The following ABCB5 variants were observed in gnomAD, a reference collection of about 807,000 sequenced individuals.
The protein encoded by ABCB5 is ATP binding cassette subfamily B member 5.
In ABCB5, 155 loss-of-function variants were observed where a neutral mutation model predicts 144.2. That is an observed-to-expected ratio of 1.08 (90% CI 0.94 to 1.23). ABCB5 has a LOEUF of 1.23. Ranked by LOEUF, ABCB5 falls within the 50% of genes most tolerant of loss-of-function variation. The probability of loss-of-function intolerance (pLI) is 0.00; values close to 1 mark genes in which losing one functional copy is unlikely to be tolerated. For synonymous variants in ABCB5, 610 were observed against 528.6 expected (o/e 1.15, Z -2.11); for missense variants, 1,830 against 1,520.8 (o/e 1.20, Z -3.38).
At position 20,749,395 on chromosome 7, in the gene ABCB5, A is replaced by ATTTTTTTTTTTTTT; in HGVS notation, c.3430-3955_3430-3942dup. On this transcript the variant is annotated intron_variant, in intron 26 of 27. Coordinates refer to ENST00000404938, the MANE Select transcript of ABCB5 (RefSeq NM_001163941.2). ...GGTGCCTGCCACCTATGCCTGCCTA[A>ATTTTTTTTTTTTTT]TTTTTTTTTTTTTTTTTTTTTTTGC... is the stretch of plus-strand genomic sequence containing the variant. 2.4e-5 allele frequency among the ~76,000 whole-genome samples: 2 copies of ATTTTTTTTTTTTTT among 81,942 alleles called. 1 individual carries two copies. The highest frequency in any genetic ancestry group is 4.5e-5 in the Non-Finnish European group (2 of 44,136). The allele number at this position is 81,942 out of a possible 152,430, so 53.8% of individuals were successfully genotyped here. A position where few individuals can be genotyped will look rare whatever the true frequency, so the allele number is the denominator to read the frequency against.
intron 16 of ABCB5, among the ~76,000 whole-genome samples, chr7:20,694,974 T>G (rs1448998777): frequency 6.6e-6 from 1 of 152,010 alleles, no homozygotes; most frequent in Non-Finnish European, 1.5e-5. Context: ...AAAAGATATT[T>G]TCAATGTGAG....
At chr7:20,725,736 T>C (rs1782016554) in intron 21 of ABCB5, among the ~76,000 whole-genome samples, 1 of 152,202 alleles carries the variant, frequency 6.6e-6, no homozygotes, top group Non-Finnish European at 1.5e-5. Context: ...TTGTTTTTCC[T>C]CAAAATTTTT....
At chr7:20,618,768 T>C (rs1199942946) in intron 1 of ABCB5, among the ~76,000 whole-genome samples, 1 of 120,688 alleles carries the variant, frequency 8.3e-6, no homozygotes, top group African/African-American at 3.4e-5. Context: ...CATTTTCTTT[T>C]TTTTTTTTTT....
intron 16 of ABCB5, among the ~76,000 whole-genome samples, chr7:20,689,739 C>G (rs1227165376): frequency 6.6e-6 from 1 of 152,178 alleles, no homozygotes; most frequent in Non-Finnish European, 1.5e-5. Context: ...GAAAAACCTC[C>G]TCCTGCAATG....
chr7:20,702,276 A>C (rs1786654474), intron 19 of ABCB5, among the ~76,000 whole-genome samples: 1 of 152,186 alleles, frequency 6.6e-6, no homozygotes, highest in South Asian at 2.1e-4. Context: ...AACATGTAAG[A>C]AGTTTATTTT....
intron 7 of ABCB5, 22 bp from the exon 8 acceptor site, chr7:20,645,734 C>A: frequency 1.2e-6 from 2 of 1,611,540 alleles, no homozygotes; most frequent in Non-Finnish European, 1.7e-6. Flanking sequence ...CATTTTTTAA[C>A]TGTGGTTGTG....
At position 20,645,841 on chromosome 7, in the gene ABCB5, C is replaced by T. The variant is rs1784391736; in HGVS notation, c.764C>T (p.Thr255Ile). The T allele has an allele frequency of 1.2e-6, 2 of 1,613,860 alleles. No homozygotes were observed. The highest frequency in any genetic ancestry group is 1.7e-6 in the Non-Finnish European group (2 of 1,179,774). ...GAAGAAGTCTTGTCATCAATCCGAA[C>T]AGTCATAGCCTTTAGGGCCCAGGAG... is the stretch of plus-strand genomic sequence containing the variant. Reference protein sequence around the residue: ...VAEEVLSSIRTVIAFRAQEKE... With the variant: ...VAEEVLSSIRIVIAFRAQEKE... Residue 255 changes from threonine to isoleucine, a missense_variant, in exon 8 of 28, where the codon ACA becomes ATA. Coordinates refer to ENST00000404938, the MANE Select transcript of ABCB5 (RefSeq NM_001163941.2).
At chr7:20,649,392 C>CAGGATCACTGTTGTCATTTCGAGAGGTT (rs1562538012) in intron 11 of ABCB5, among the ~76,000 whole-genome samples, 4 of 152,098 alleles carry the variant, frequency 2.6e-5, no homozygotes, top group Non-Finnish European at 5.9e-5. Context: ...GAGAATTTCT[C>CAGGATCACTGTTGTCATTTCGAGAGGTT]AACAGGATCA....
At chr7:20,742,689 A>G (rs574627274) in intron 24 of ABCB5, among the ~76,000 whole-genome samples, 188 bp from the exon 25 acceptor site, 1 of 152,238 alleles carries the variant, frequency 6.6e-6, no homozygotes, top group East Asian at 1.9e-4. Flanking sequence ...ACACAGACAC[A>G]AAAAAATATA....
intron 14 of ABCB5, among the ~76,000 whole-genome samples, chr7:20,665,505 G>A (rs551441580): frequency 3.7e-4 from 56 of 152,216 alleles, no homozygotes; most frequent in African/African-American, 1.3e-3. Context: ...AAGATGACCA[G>A]CTAAAATTTG....
intron 20 of ABCB5, among the ~76,000 whole-genome samples, chr7:20,705,915 A>G (rs567490622): frequency 6.6e-6 from 1 of 152,260 alleles, no homozygotes; most frequent in African/African-American, 2.4e-5. Context: ...AATATTCACA[A>G]GCATTCATTT....
intron 20 of ABCB5, among the ~76,000 whole-genome samples, chr7:20,715,401 G>A (rs1781639011): frequency 1.3e-5 from 2 of 151,948 alleles, no homozygotes; most frequent in Admixed American, 1.3e-4. Context: ...AATGCGTGGT[G>A]TATGTGTGTG....
At chr7:20,627,712 C>G (rs1027206350) in intron 3 of ABCB5, among the ~76,000 whole-genome samples, 2 of 151,698 alleles carry the variant, frequency 1.3e-5, no homozygotes, top group African/African-American at 2.4e-5. Flanking sequence ...AGGCATTGTT[C>G]TGTGTAGAAA....
chr7:20,725,594 A>G (rs1782010190), intron 21 of ABCB5, among the ~76,000 whole-genome samples: 1 of 152,202 alleles, frequency 6.6e-6, no homozygotes, highest in African/African-American at 2.4e-5. Flanking sequence ...AAAACAAAAA[A>G]AGACTTTGAA....
intron 5 of ABCB5, among the ~76,000 whole-genome samples, chr7:20,635,983 C>A (rs1268292656): frequency 6.6e-6 from 1 of 152,056 alleles, no homozygotes; most frequent in East Asian, 1.9e-4. Flanking sequence ...ACATGTCAAG[C>A]ATTAATAATT....
intron 20 of ABCB5, among the ~76,000 whole-genome samples, chr7:20,720,943 C>CAAAAAA (rs71020677): frequency 6.3e-4 from 45 of 70,956 alleles, no homozygotes; most frequent in East Asian, 1.1e-3. Flanking sequence ...AACTCTGCCT[C>CAAAAAA]AAAAAAAAAA....
intron 14 of ABCB5, among the ~76,000 whole-genome samples, chr7:20,670,172 A>T (rs1028092126): frequency 2.0e-5 from 3 of 152,206 alleles, no homozygotes; most frequent in Non-Finnish European, 4.4e-5. Flanking sequence ...ATATTCAGGG[A>T]TGGGGATCCT....
At chr7:20,652,168 TGA>T (rs1784616153) in intron 13 of ABCB5, among the ~76,000 whole-genome samples, 1 of 152,222 alleles carries the variant, frequency 6.6e-6, no homozygotes, top group Non-Finnish European at 1.5e-5. Flanking sequence ...ATCTTGTGGC[TGA>T]GAGTGGGAAA....
At chr7:20,627,097 T>A (rs1783925785) in intron 3 of ABCB5, among the ~76,000 whole-genome samples, 1 of 152,236 alleles carries the variant, frequency 6.6e-6, no homozygotes, top group South Asian at 2.1e-4. Context: ...AATGTGTCTG[T>A]ACACTTCTTT....
Sources: gnomAD v4.1 joint callset for allele counts (sites outside exome capture counted in the v4.1 genomes callset) on GRCh38, gnomAD v4.1.1 for gene constraint, MANE v1.5 for transcripts, NCBI Gene and HGNC (gene_info 2026-07-23, HGNC 2026-07-21) for gene names.